Variants in SLC17A8 observed in about 807,000 individuals in gnomAD.
SLC17A8 encodes vesicular glutamate transporter 3.
In SLC17A8, 31 loss-of-function variants were observed where a neutral mutation model predicts 58.0. The ratio of observed to expected loss-of-function variants is 0.53; its 90% CI spans 0.40 to 0.72. SLC17A8 has a LOEUF of 0.72. Among genes scored for constraint, SLC17A8 ranks in the 30% least tolerant of loss-of-function variants. The pLI is 0.00. For missense variants in SLC17A8, 655 were observed against 727.8 expected (o/e 0.90, Z 1.15); for synonymous variants, 228 against 249.0 (o/e 0.92, Z 0.79).
chr12:100,385,986 A>G (rs1468837686), intron 2 of SLC17A8, among the ~76,000 whole-genome samples: 14 of 152,120 alleles, frequency 9.2e-5, no homozygotes, highest in Admixed American at 9.2e-4. Context: ...CTCCATCTTC[A>G]CGTGGACATC....
At chr12:100,400,998 C>CA (rs1555326949) in intron 5 of SLC17A8, among the ~76,000 whole-genome samples, 196 of 113,092 alleles carry the variant, frequency 1.7e-3, no homozygotes, top group African/African-American at 6.1e-3. Context: ...CACCCCTCAC[C>CA]TTTTTTTTTT....
At chr12:100,399,541 G>A (rs569350736) in intron 5 of SLC17A8, among the ~76,000 whole-genome samples, 18 of 152,142 alleles carry the variant, frequency 1.2e-4, no homozygotes, top group African/African-American at 3.6e-4. Context: ...TTACAATCAC[G>A]GCAGGAGGCA....
At chr12:100,417,067 G>A (rs949137650) in intron 10 of SLC17A8, among the ~76,000 whole-genome samples, 1 of 152,148 alleles carries the variant, frequency 6.6e-6, no homozygotes, top group Non-Finnish European at 1.5e-5. Flanking sequence ...CACCATGCCT[G>A]GCTAATTTTT....
At chr12:100,393,563 TCC>T in intron 4 of SLC17A8, 80 bp downstream of exon 4, 7 of 1,040,134 alleles carry the variant, frequency 6.7e-6, no homozygotes, top group Non-Finnish European at 1.0e-5. Context: ...CTGAAGAAAA[TCC>T]CCTTTACTCA....
Position 100,420,018 on chromosome 12 carries a change from AAAG to A in SLC17A8, c.1634_1636del (p.Lys545del), listed in dbSNP as rs141689561. The A allele has an allele frequency of 8.3e-5, 134 of 1,614,100 alleles. No individual in the cohort carries two copies. In the African/African-American group the frequency reaches 1.6e-3, roughly 20 times the overall value. On this transcript the variant is annotated inframe_deletion, in exon 12 of 12. Transcript: ENST00000323346. The stretch of plus-strand genomic sequence containing the variant: ...ACCATGAGAGTTTTGCGAGTCCCAA[AAAG>A]AAGATGTCTTATGGAGCCACCTCCC...
At chr12:100,385,861 T>C (rs1952671208) in intron 2 of SLC17A8, among the ~76,000 whole-genome samples, 1 of 152,224 alleles carries the variant, frequency 6.6e-6, no homozygotes, top group Admixed American at 6.5e-5. Flanking sequence ...AATCAAGGTG[T>C]TGGCAGCACC....
intron 2 of SLC17A8, among the ~76,000 whole-genome samples, chr12:100,389,479 C>T (rs867921543): frequency 6.6e-6 from 1 of 151,968 alleles, no homozygotes; most frequent in African/African-American, 2.4e-5. Context: ...AACTTAGTAG[C>T]CCCCCAAAAC....
Position 100,402,606 on chromosome 12 carries a change from C to A in SLC17A8, c.914C>A (p.Thr305Asn). 1 of 1,613,848 alleles carries A rather than the reference C, an allele frequency of 6.2e-7. No homozygotes were observed. The highest frequency in any genetic ancestry group is 1.1e-5 in the South Asian group (1 of 91,002). ...ATTTTTACTCCCTAGAAATTTAGTA[C>A]CCCATGGAAAAGATTTTTCACATCT... is the stretch of plus-strand genomic sequence containing the variant. ...ANVVSLSKFSTPWKRFFTSLP... is the reference protein window; with the variant it reads ...ANVVSLSKFSNPWKRFFTSLP... Residue 305 changes from threonine to asparagine, a missense_variant, in exon 8 of 12, where the codon ACC becomes AAC. Coordinates refer to ENST00000323346, the MANE Select transcript of SLC17A8 (RefSeq NM_139319.3).
chr12:100,369,179 G>T (rs571154359), intron 1 of SLC17A8, among the ~76,000 whole-genome samples: 4 of 152,196 alleles, frequency 2.6e-5, no homozygotes, highest in African/African-American at 4.8e-5. Context: ...AGGAGGCTGA[G>T]GCAGGAGAAC....
At chr12:100,396,553 A>G in intron 5 of SLC17A8, 136 bp downstream of exon 5, 2 of 693,858 alleles carry the variant, frequency 2.9e-6, no homozygotes, top group Non-Finnish European at 5.2e-6. Flanking sequence ...GTTCGAGATC[A>G]GCCTGGACAA....
intron 10 of SLC17A8, 35 bp from the exon 11 acceptor site, chr12:100,417,994 T>A: frequency 6.2e-7 from 1 of 1,614,050 alleles, no homozygotes; most frequent in Non-Finnish European, 8.5e-7. Flanking sequence ...AATTCTGTTC[T>A]TGACTCTGAT....
chr12:100,370,628 AAAAAAAG>A (rs756701902), intron 1 of SLC17A8, among the ~76,000 whole-genome samples: 20 of 116,262 alleles, frequency 1.7e-4, no homozygotes, highest in Non-Finnish European at 2.7e-4. Flanking sequence ...AAAAAAAAAA[AAAAAAAG>A]CAAAGACCCA....
intron 1 of SLC17A8, among the ~76,000 whole-genome samples, chr12:100,363,414 G>A (rs1952497409): frequency 6.6e-6 from 1 of 152,118 alleles, no homozygotes; most frequent in Admixed American, 6.5e-5. Flanking sequence ...TGTCGCCCAG[G>A]CTGGATGCAG....
chr12:100,370,372 A>G (rs1412907810), intron 1 of SLC17A8, among the ~76,000 whole-genome samples: 1 of 151,782 alleles, frequency 6.6e-6, no homozygotes, highest in East Asian at 1.9e-4. Flanking sequence ...ATCTCAGCTC[A>G]CTACAACCTC....
At chr12:100,410,569 A>C (rs1952860420) in intron 9 of SLC17A8, 2 of 151,966 alleles carry the variant, frequency 1.3e-5, no homozygotes, top group Non-Finnish European at 2.9e-5. Flanking sequence ...GAGTCAGGAG[A>C]ACCACTTGCA....
intron 5 of SLC17A8, among the ~76,000 whole-genome samples, chr12:100,398,635 C>G (rs1310169050): frequency 2.0e-5 from 3 of 152,190 alleles, no homozygotes; most frequent in Non-Finnish European, 4.4e-5. Flanking sequence ...GAAGGAAACC[C>G]AGGCTTGGAG....
At chr12:100,394,398 C>CTTTTTTTTT (rs34047250) in intron 4 of SLC17A8, among the ~76,000 whole-genome samples, 1 of 112,758 alleles carries the variant, frequency 8.9e-6, no homozygotes, top group Non-Finnish European at 1.9e-5. Flanking sequence ...ACATCTTTTC[C>CTTTTTTTTT]TTTTTTTTTT....
At chr12:100,363,608 C>T (rs757533109) in intron 1 of SLC17A8, among the ~76,000 whole-genome samples, 7 of 152,030 alleles carry the variant, frequency 4.6e-5, no homozygotes, top group Non-Finnish European at 8.8e-5. Context: ...TCAAATGATC[C>T]ACCCGCCTTG....
In SLC17A8 at chr12:100,393,448, G is replaced by A. The variant is rs778461278; in HGVS notation, c.553G>A (p.Val185Ile). The stretch of plus-strand genomic sequence containing the variant: ...TGCAGCCAGAGTGCATTACGGATGC[G>A]TCATGTGTGTCAGAATTCTGCAAGG... ...PSAARVHYGCVMCVRILQGLV... is the reference protein window; with the variant it reads ...PSAARVHYGCIMCVRILQGLV... The change falls in exon 4 of 12, where the codon GTC becomes ATC. Residue 185 changes from valine (V) to isoleucine (I), a missense_variant. By Grantham distance (29) the Val-to-Ile change is conservative. Coordinates refer to ENST00000323346, the MANE Select transcript of SLC17A8 (RefSeq NM_139319.3). The A allele has an allele frequency of 1.1e-5, 17 of 1,613,356 alleles. No individual in the cohort carries two copies. The highest frequency in any genetic ancestry group is 5.5e-5 in the South Asian group (5 of 91,070).
Sources: gnomAD v4.1 joint callset for allele counts (sites outside exome capture counted in the v4.1 genomes callset) on GRCh38, gnomAD v4.1.1 for gene constraint, MANE v1.5 for transcripts, NCBI Gene and HGNC (gene_info 2026-07-23, HGNC 2026-07-21) for gene names.